The following AATF variants were observed in gnomAD, a reference collection of about 807,000 sequenced individuals.
AATF encodes protein AATF.
In AATF, 48 loss-of-function variants were observed where a neutral mutation model predicts 63.7. That is an observed-to-expected ratio of 0.75 (90% CI 0.60 to 0.96). AATF has a LOEUF of 0.96. Ranked by LOEUF, AATF falls within the 40% of genes least tolerant of loss-of-function variation. AATF has a pLI of 0.00. For missense variants in AATF, 639 were observed against 685.7 expected, an observed-to-expected ratio of 0.93 and a Z score of 0.76; for synonymous variants, 258 against 247.7, an observed-to-expected ratio of 1.04 and a Z score of -0.39.
In AATF at chr17:36,987,304, T is replaced by A. The variant is rs574176362; in HGVS notation, c.947+573T>A. On this transcript the variant is annotated intron_variant, in intron 5 of 11. Coordinates refer to ENST00000619387, the MANE Select transcript of AATF (RefSeq NM_012138.4). ...CTTCACCTGGCCAAAAGCACATTTT[T>A]AAAATATTAATGCTTAATTAATGTT... Among the ~76,000 whole-genome samples the A allele has an allele frequency of 3.5e-3, 531 of 152,318 alleles. 1 individual carries two copies. Among genetic ancestry groups the A allele is most frequent in the Non-Finnish European group, 5.7e-3 (389 of 68,032 alleles).
intron 4 of AATF, among the ~76,000 whole-genome samples, 158 bp downstream of exon 4, chr17:36,954,065 CTTTTTTTTTT>C (rs878859973): frequency 1.6e-5 from 2 of 122,480 alleles, no homozygotes; most frequent in African/African-American, 3.1e-5. Flanking sequence ...TTCCAAGTTG[CTTTTTTTTTT>C]TTTTTTTTTT....
intron 4 of AATF, among the ~76,000 whole-genome samples, chr17:36,971,535 A>G (rs1038306137): frequency 2.0e-5 from 3 of 152,234 alleles, no homozygotes; most frequent in African/African-American, 4.8e-5. Context: ...AGCTAAACAT[A>G]TATTCATCAT....
intron 8 of AATF, among the ~76,000 whole-genome samples, chr17:37,006,858 C>A (rs1045992447): frequency 6.6e-6 from 1 of 152,174 alleles, no homozygotes; most frequent in Admixed American, 6.5e-5. Context: ...TAGGCCTTAG[C>A]GCTAGCTCCG....
chr17:36,954,125 TG>T (rs1311591165), intron 4 of AATF, among the ~76,000 whole-genome samples: 1 of 148,398 alleles, frequency 6.7e-6, no homozygotes, highest in Non-Finnish European at 1.5e-5. Flanking sequence ...TCAAGTACAG[TG>T]GCGCGATCAC....
intron 8 of AATF, 23 bp from the exon 9 acceptor site, chr17:37,018,982 C>A (rs199747623): frequency 1.2e-6 from 2 of 1,603,616 alleles, no homozygotes; most frequent in South Asian, 1.1e-5. Flanking sequence ...TAAATAAATT[C>A]GTTGCTTTCC....
In AATF at chr17:37,021,014, G is replaced by A. The variant is rs868811506; in HGVS notation, c.1547G>A (p.Arg516Gln). The stretch of plus-strand genomic sequence containing the variant: ...AAAGCCAGCAAAGGCAGGAAACTTC[G>A]GTGAGTTACTTTTCGGAAAAAATGT... ...DRKASKGRKL[R>Q]FHVLSKLLSF... The change falls in exon 10 of 12, where the codon CGG becomes CAG. Residue 516 changes from arginine to glutamine, a missense_variant and splice_region_variant. Arg to Gln is a conservative substitution (Grantham distance 43, BLOSUM62 1). Transcript: ENST00000619387. 3.7e-6 allele frequency: 6 copies of A among 1,608,566 alleles called. No individual in the cohort carries two copies. The highest frequency in any genetic ancestry group is 4.5e-5 in the East Asian group (2 of 44,610).
intron 4 of AATF, among the ~76,000 whole-genome samples, chr17:36,955,215 A>G (rs954332342): frequency 6.6e-5 from 10 of 152,234 alleles, no homozygotes; most frequent in Admixed American, 2.0e-4. Flanking sequence ...CTGTAGGTAG[A>G]ACCGCCTTAA....
intron 4 of AATF, among the ~76,000 whole-genome samples, chr17:36,963,186 C>T (rs925021353): frequency 6.6e-6 from 1 of 152,162 alleles, no homozygotes; most frequent in Non-Finnish European, 1.5e-5. Context: ...TTCTGCCTGC[C>T]ACTTTATTCA....
chr17:37,056,641 C>T lies in AATF; in HGVS notation c.1660C>T (p.Pro554Ser). The change falls in exon 12 of 12, where the codon CCC (proline) becomes TCC (serine). Residue 554 changes from proline to serine, a missense_variant. Physicochemically the swap from Pro to Ser is moderately conservative, Grantham distance 74. Transcript: ENST00000619387. The stretch of plus-strand genomic sequence containing the variant: ...CTCTCTTTTTGGCCAGCTCCACCCT[C>T]CCGACGAAGGCCACGGGGATTGACA... The part of the protein sequence containing the change: ...YRSLFGQLHP[P>S]DEGHGD 1 of 1,614,250 alleles carries T rather than the reference C, an allele frequency of 6.2e-7. No homozygotes were observed. Among genetic ancestry groups the T allele is most frequent in the Non-Finnish European group, 8.5e-7 (1 of 1,180,056 alleles).
At chr17:37,048,929 G>C (rs573063004) in intron 11 of AATF, among the ~76,000 whole-genome samples, 4 of 152,294 alleles carry the variant, frequency 2.6e-5, no homozygotes, top group Non-Finnish European at 5.9e-5. Context: ...TTAGTCCCTC[G>C]TGTTGGTTGG....
chr17:36,990,960 TCAGA>T, intron 8 of AATF, 103 bp downstream of exon 8: 2 of 786,770 alleles, frequency 2.5e-6, no homozygotes, highest in Non-Finnish European at 3.9e-6. Flanking sequence ...AAGGATAGAG[TCAGA>T]CAGTGAGTTA....
chr17:37,009,816 T>C, intron 8 of AATF, among the ~76,000 whole-genome samples: 1 of 88,368 alleles, frequency 1.1e-5, no homozygotes, highest in African/African-American at 5.2e-5. Context: ...AGAGCGAGAC[T>C]CCGTCTCAAA....
Position 37,056,618 on chromosome 17 carries a change from C to G in AATF, c.1637C>G (p.Ser546Cys), listed in dbSNP as rs765568934. The change falls in exon 12 of 12, where the codon TCT becomes TGT. Residue 546 changes from serine to cysteine, a missense_variant. Ser to Cys is a moderately radical substitution (Grantham distance 112). Coordinates refer to ENST00000619387, the MANE Select transcript of AATF (RefSeq NM_012138.4). Reference protein sequence around the residue: ...NDDARTELYRSLFGQLHPPDE... With the variant: ...NDDARTELYRCLFGQLHPPDE... Reference sequence around the variant, plus strand: ...TCTTTTAGGACAGAACTGTACCGCTCTCTTTTTGGCCAGCTCCACCCTCCC... The same window carrying G: ...TCTTTTAGGACAGAACTGTACCGCTGTCTTTTTGGCCAGCTCCACCCTCCC... The G allele has an allele frequency of 3.1e-6, 5 of 1,614,116 alleles. No homozygotes were observed. Among genetic ancestry groups the G allele is most frequent in the African/African-American group, 1.3e-5 (1 of 74,940 alleles).
intron 2 of AATF, among the ~76,000 whole-genome samples, chr17:36,952,447 A>C (rs1187624726): frequency 2.0e-5 from 3 of 152,218 alleles, no homozygotes; most frequent in Admixed American, 6.5e-5. Context: ...TAGATTGTAC[A>C]TTTTTTCAGA....
Position 36,949,175 on chromosome 17 carries a change from C to G in AATF, c.50C>G (p.Pro17Arg). 1 of 1,593,158 alleles carries G rather than the reference C, an allele frequency of 6.3e-7. No individual in the cohort carries two copies. The highest frequency in any genetic ancestry group is 8.5e-7 in the Non-Finnish European group (1 of 1,171,612). Residue 17 changes from proline to arginine, a missense_variant, in exon 1 of 12, where the codon CCG (proline) becomes CGG (arginine). Physicochemically the swap from Pro to Arg is moderately radical, Grantham distance 103. Transcript: ENST00000619387. ...LALQLEQLLNPRPSEADPEAD... is the reference protein window; with the variant it reads ...LALQLEQLLNRRPSEADPEAD... ...CTGCAACTGGAACAGTTGTTGAACC[C>G]GCGACCAAGCGAGGCGGACCCTGAA...
chr17:37,022,343 C>G lies in AATF; in HGVS notation c.1547+1329C>G, dbSNP rs375746673. ...GGTCTATCTGATTTTTAAAGATCTT[C>G]AGAGAAGTAGATTTCTCAATTACTT... On this transcript the variant is annotated intron_variant, in intron 10 of 11. Coordinates refer to ENST00000619387, the MANE Select transcript of AATF (RefSeq NM_012138.4). Among the ~76,000 whole-genome samples, 170 of 152,314 alleles carry G rather than the reference C, an allele frequency of 1.1e-3. 4 individuals carry two copies. The South Asian group carries it at 0.034, about 30-fold the overall frequency.
intron 5 of AATF, among the ~76,000 whole-genome samples, chr17:36,987,880 A>C (rs747462670): frequency 2.0e-5 from 3 of 152,234 alleles, no homozygotes; most frequent in Non-Finnish European, 4.4e-5. Flanking sequence ...TATGTGTTTA[A>C]TTTTTAAATA....
chr17:36,981,650 CTTCT>C (rs2142238164), intron 4 of AATF, among the ~76,000 whole-genome samples: 1 of 149,280 alleles, frequency 6.7e-6, no homozygotes, highest in South Asian at 2.1e-4. Context: ...TCTTCTTCTT[CTTCT>C]TTCTTCCTCT....
chr17:37,046,782 C>T lies in AATF; in HGVS notation c.1620-9819C>T, dbSNP rs115381077. On this transcript the variant is annotated intron_variant, in intron 11 of 11. Transcript: ENST00000619387. ...ACACACACACACACGCATGCACACA[C>T]GCCCTGGGTTGTTGGGCAGCATCCT... Among the ~76,000 whole-genome samples the T allele has an allele frequency of 4.6e-3, 697 of 151,914 alleles. 1 individual carries two copies. Among genetic ancestry groups the T allele is most frequent in the African/African-American group, 0.016 (651 of 41,340 alleles).
Sources: gnomAD v4.1 joint callset for allele counts (sites outside exome capture counted in the v4.1 genomes callset) on GRCh38, gnomAD v4.1.1 for gene constraint, MANE v1.5 for transcripts, NCBI Gene and HGNC (gene_info 2026-07-23, HGNC 2026-07-21) for gene names.